The following MALRD1 variants were observed in gnomAD, a reference collection of about 807,000 sequenced individuals.
MALRD1 encodes the protein MAM and LDL-receptor class A domain-containing protein 1.
MALRD1 carries 247 observed loss-of-function variants against 242.1 expected under a neutral mutation model. The observed-to-expected ratio is 1.02, with a 90% CI of 0.92 to 1.13. The LOEUF is 1.13. Ranked by LOEUF, MALRD1 falls within the 50% of genes most tolerant of loss-of-function variation. MALRD1 has a pLI of 0.00. For synonymous variants in MALRD1, 995 were observed against 866.6 expected, an observed-to-expected ratio of 1.15 and a Z score of -2.60; for missense variants, 2,989 against 2,533.1, an observed-to-expected ratio of 1.18 and a Z score of -3.86.
intron 32 of MALRD1, among the ~76,000 whole-genome samples, chr10:19,556,879 A>G (rs1287746839): frequency 6.6e-6 from 1 of 152,144 alleles, no homozygotes; most frequent in Non-Finnish European, 1.5e-5. Context: ...TCCCACCAGA[A>G]GATAACCTCC....
At chr10:19,266,695 A>G (rs1468995080) in intron 19 of MALRD1, among the ~76,000 whole-genome samples, 1 of 151,996 alleles carries the variant, frequency 6.6e-6, no homozygotes, top group East Asian at 1.9e-4. Context: ...TTGTTAATGG[A>G]TATGCAATAT....
At chr10:19,313,409 G>A (rs184285062) in intron 21 of MALRD1, among the ~76,000 whole-genome samples, 6 of 151,486 alleles carry the variant, frequency 4.0e-5, no homozygotes, top group Non-Finnish European at 3.0e-5. Context: ...ATACATCTCA[G>A]ATGTGAATGT....
intron 36 of MALRD1, among the ~76,000 whole-genome samples, chr10:19,661,613 C>G (rs944981187): frequency 1.3e-5 from 2 of 151,908 alleles, no homozygotes; most frequent in African/African-American, 4.8e-5. Flanking sequence ...GGAAGGGAAG[C>G]ATCACACACT....
chr10:19,674,132 A>G (rs1042836313), intron 36 of MALRD1, among the ~76,000 whole-genome samples: 1 of 152,206 alleles, frequency 6.6e-6, no homozygotes, highest in African/African-American at 2.4e-5. Context: ...AGATTTGGAT[A>G]GAGTATATCT....
chr10:19,715,250 G>C (rs1397785446), intron 38 of MALRD1, among the ~76,000 whole-genome samples: 3 of 151,704 alleles, frequency 2.0e-5, no homozygotes, highest in African/African-American at 4.8e-5. Flanking sequence ...CTTTTCTTAA[G>C]GTGGGTTATA....
intron 18 of MALRD1, among the ~76,000 whole-genome samples, chr10:19,230,109 C>T (rs566429280): frequency 6.6e-6 from 1 of 152,226 alleles, no homozygotes; most frequent in East Asian, 1.9e-4. Context: ...CCATGTAAGA[C>T]GTGCCTTTCG....
intron 28 of MALRD1, among the ~76,000 whole-genome samples, chr10:19,416,951 A>C (rs890915964): frequency 6.6e-6 from 1 of 152,216 alleles, no homozygotes; most frequent in African/African-American, 2.4e-5. Context: ...TCTCACCAAC[A>C]GGTGATGAAC....
rs1402692278 is a variant in MALRD1, at chr10:19,158,119, G to C, written c.1656+2947G>C. ...TCTATCTTACTGCTGTTGAAATGCTGTTACTGTTTACAATTAACTAGGAAA... is the reference window on the plus strand; with the variant it reads ...TCTATCTTACTGCTGTTGAAATGCTCTTACTGTTTACAATTAACTAGGAAA... On this transcript the variant is annotated intron_variant, in intron 12 of 39. Coordinates refer to ENST00000454679, the MANE Select transcript of MALRD1 (RefSeq NM_001142308.3). 2.6e-5 allele frequency among the ~76,000 whole-genome samples: 4 copies of C among 152,158 alleles called. No individual in the cohort carries two copies. In the East Asian group the frequency reaches 5.8e-4, roughly 22 times the overall value.
intron 26 of MALRD1, among the ~76,000 whole-genome samples, chr10:19,383,921 A>G (rs553208603): frequency 6.6e-6 from 1 of 152,110 alleles, no homozygotes; most frequent in African/African-American, 2.4e-5. Flanking sequence ...TGATATGGGA[A>G]GTGTGAGGTG....
Position 19,506,122 on chromosome 10 carries a change from A to G in MALRD1, c.5320+7476A>G, listed in dbSNP as rs530413208. ...GTATTTGCCTGCATGCTCAACCTAC[A>G]TCCAAAGCACCTGCTATTCATCCTC... On this transcript the variant is annotated intron_variant, in intron 31 of 39. Transcript: ENST00000454679. 7.9e-5 allele frequency among the ~76,000 whole-genome samples: 12 copies of G among 152,318 alleles called. 1 individual carries two copies. The South Asian group carries it at 2.5e-3, about 32-fold the overall frequency.
rs568623668 is a variant in MALRD1, at chr10:19,535,058, G to A, written c.5478+3707G>A. ...GTGCCACCACACCCAGCTAACTTTC[G>A]TATTTTTAGTAGAGATGGCGTTTCA... On this transcript the variant is annotated intron_variant, in intron 32 of 39. Coordinates refer to ENST00000454679, the MANE Select transcript of MALRD1 (RefSeq NM_001142308.3). Among the ~76,000 whole-genome samples, 10 of 152,108 alleles carry A rather than the reference G, an allele frequency of 6.6e-5. 1 individual carries two copies. In the South Asian group the frequency reaches 8.3e-4, roughly 13 times the overall value.
chr10:19,243,297 C>T (rs1185926264), intron 18 of MALRD1, among the ~76,000 whole-genome samples: 1 of 152,018 alleles, frequency 6.6e-6, no homozygotes, highest in Non-Finnish European at 1.5e-5. Flanking sequence ...TATGTCACAA[C>T]TAAATCAATT....
chr10:19,726,309 A>T (rs1004535912), intron 38 of MALRD1, among the ~76,000 whole-genome samples: 3 of 152,190 alleles, frequency 2.0e-5, no homozygotes, highest in African/African-American at 7.2e-5. Context: ...CATTTCTTCA[A>T]AGAAGATTAC....
intron 38 of MALRD1, among the ~76,000 whole-genome samples, chr10:19,705,819 G>T (rs867413463): frequency 1.7e-5 from 1 of 57,910 alleles, no homozygotes; most frequent in South Asian, 6.3e-4. Context: ...AAAAAAAAAA[G>T]CCCACAAGAG....
intron 36 of MALRD1, among the ~76,000 whole-genome samples, chr10:19,672,744 C>A (rs545357200): frequency 3.9e-5 from 6 of 151,968 alleles, no homozygotes; most frequent in Admixed American, 2.0e-4. Flanking sequence ...TTTTTGAAAC[C>A]TATCAGTTAG....
intron 1 of MALRD1, among the ~76,000 whole-genome samples, chr10:19,065,936 C>A (rs540288206): frequency 7.9e-5 from 12 of 152,054 alleles, no homozygotes; most frequent in African/African-American, 2.9e-4. Flanking sequence ...TTCTGATATG[C>A]CTGCATGGCA....
intron 32 of MALRD1, among the ~76,000 whole-genome samples, chr10:19,545,551 A>T (rs1052322011): frequency 1.3e-5 from 2 of 152,136 alleles, no homozygotes; most frequent in African/African-American, 4.8e-5. Context: ...TAGAAGACTG[A>T]TGTCTGTCTG....
chr10:19,699,845 A>T (rs948720783), intron 38 of MALRD1, among the ~76,000 whole-genome samples: 4 of 151,996 alleles, frequency 2.6e-5, no homozygotes, highest in Non-Finnish European at 5.9e-5. Flanking sequence ...GAACAGCACC[A>T]AGTCATGAGG....
chr10:19,496,680 TA>T (rs1837735036), intron 30 of MALRD1, among the ~76,000 whole-genome samples: 1 of 152,072 alleles, frequency 6.6e-6, no homozygotes, highest in African/African-American at 2.4e-5. Context: ...GACATCTGCA[TA>T]AAAGTGTGAA....
Sources: gnomAD v4.1 joint callset for allele counts (sites outside exome capture counted in the v4.1 genomes callset) on GRCh38, gnomAD v4.1.1 for gene constraint, MANE v1.5 for transcripts, NCBI Gene and HGNC (gene_info 2026-07-23, HGNC 2026-07-21) for gene names.